The following MAF variants were observed in gnomAD, a reference collection of about 807,000 sequenced individuals.
The protein encoded by MAF is transcription factor Maf.
MAF carries 10 observed loss-of-function variants against 22.0 expected under a neutral mutation model. The ratio of observed to expected loss-of-function variants is 0.45; its 90% confidence interval spans 0.28 to 0.77. The LOEUF is 0.77. Ranked by LOEUF, MAF falls within the 30% of genes least tolerant of loss-of-function variation. The pLI, the probability that MAF is intolerant of heterozygous loss-of-function variation, is 0.12. For missense variants in MAF, 544 were observed against 548.4 expected (o/e 0.99, Z 0.08); for synonymous variants, 337 against 255.8 (o/e 1.32, Z -3.03).
chr16:79,385,659 G>A, the MAF span, among the ~76,000 whole-genome samples: 3 of 152,190 alleles, frequency 2.0e-5, no homozygotes, highest in African/African-American at 7.2e-5. Flanking sequence ...CCAGCACTTT[G>A]GGAGGCTGCG....
chr16:79,264,274 T>C, the MAF span, among the ~76,000 whole-genome samples: 4 of 152,190 alleles, frequency 2.6e-5, no homozygotes, highest in Non-Finnish European at 5.9e-5. Context: ...TGGACAGTTG[T>C]AAGGGAACTA....
the MAF span, among the ~76,000 whole-genome samples, chr16:79,524,277 T>C: frequency 6.6e-6 from 1 of 152,214 alleles, no homozygotes. Flanking sequence ...CCGGGGGCTA[T>C]GCAATACCTT....
At chr16:79,447,541 G>A in the MAF span, among the ~76,000 whole-genome samples, 1 of 152,088 alleles carries the variant, frequency 6.6e-6, no homozygotes, top group Non-Finnish European at 1.5e-5. Context: ...TAAGGCAATA[G>A]CTGCTATAAG....
the MAF span, among the ~76,000 whole-genome samples, chr16:79,380,646 A>G: frequency 3.9e-5 from 6 of 152,178 alleles, no homozygotes; most frequent in African/African-American, 1.4e-4. Context: ...TAAATACTCA[A>G]TAAACCCTCT....
the MAF span, among the ~76,000 whole-genome samples, chr16:79,208,593 A>T: frequency 6.6e-6 from 1 of 151,996 alleles, no homozygotes; most frequent in Non-Finnish European, 1.5e-5. Flanking sequence ...AGGTGGTATG[A>T]ATGAAAGTCA....
the MAF span, among the ~76,000 whole-genome samples, chr16:79,544,979 T>C: frequency 6.6e-6 from 1 of 152,088 alleles, no homozygotes; most frequent in Non-Finnish European, 1.5e-5. Context: ...GGGCTTGAGG[T>C]GGTTCTCTAT....
At chr16:79,561,315 CTT>C in the MAF span, among the ~76,000 whole-genome samples, 22 of 144,740 alleles carry the variant, frequency 1.5e-4, no homozygotes, top group Non-Finnish European at 2.3e-4. Context: ...AGTTTTCTTT[CTT>C]TTTTTTTTTT....
chr16:79,209,009 G>A, the MAF span, among the ~76,000 whole-genome samples: 2 of 152,184 alleles, frequency 1.3e-5, no homozygotes, highest in Admixed American at 6.5e-5. Flanking sequence ...GAGTAGAGAA[G>A]GTCGTCTTTG....
the MAF span, among the ~76,000 whole-genome samples, chr16:79,280,985 G>C: frequency 2.0e-5 from 3 of 152,144 alleles, no homozygotes; most frequent in African/African-American, 7.2e-5. Flanking sequence ...TCCCAGATCA[G>C]AATGGGAGGG....
At chr16:79,372,238 G>A in the MAF span, among the ~76,000 whole-genome samples, 1 of 152,200 alleles carries the variant, frequency 6.6e-6, no homozygotes, top group South Asian at 2.1e-4. Flanking sequence ...ACTATTCCTT[G>A]AGCAGAGGGT....
At chr16:79,380,066 C>T in the MAF span, among the ~76,000 whole-genome samples, 2 of 152,200 alleles carry the variant, frequency 1.3e-5, no homozygotes, top group African/African-American at 4.8e-5. Context: ...TGGCATGGAA[C>T]CCCTCAGTGT....
the MAF span, among the ~76,000 whole-genome samples, chr16:79,232,668 A>G: frequency 6.6e-6 from 1 of 152,012 alleles, no homozygotes; most frequent in Non-Finnish European, 1.5e-5. Flanking sequence ...AAAATAGTCA[A>G]TTCGCATCTG....
the MAF span, among the ~76,000 whole-genome samples, chr16:79,321,228 C>A: frequency 2.0e-5 from 3 of 152,076 alleles, no homozygotes; most frequent in South Asian, 2.1e-4. Flanking sequence ...TGGGAGGTGT[C>A]GGAGTGGATG....
the MAF span, among the ~76,000 whole-genome samples, chr16:79,278,415 A>C: frequency 6.6e-6 from 1 of 152,324 alleles, no homozygotes; most frequent in East Asian, 1.9e-4. Context: ...CAGAGAGGAA[A>C]AAGAAACAAA....
the MAF span, among the ~76,000 whole-genome samples, chr16:79,363,050 T>C: frequency 6.6e-6 from 1 of 152,180 alleles, no homozygotes; most frequent in Non-Finnish European, 1.5e-5. Context: ...CTTCTTTCTT[T>C]ATCACCTGAT....
the MAF span, among the ~76,000 whole-genome samples, chr16:79,464,807 G>C: frequency 6.6e-6 from 1 of 152,188 alleles, no homozygotes; most frequent in South Asian, 2.1e-4. Flanking sequence ...TTCCAGGACA[G>C]GTTACAGCAG....
chr16:79,236,811 A>G, the MAF span, among the ~76,000 whole-genome samples: 4 of 151,910 alleles, frequency 2.6e-5, no homozygotes, highest in African/African-American at 7.2e-5. Context: ...AGTGCACGCC[A>G]TCTCCGATGA....
chr16:79,345,499 G>A, the MAF span, among the ~76,000 whole-genome samples: 2 of 152,010 alleles, frequency 1.3e-5, no homozygotes, highest in East Asian at 3.9e-4. Flanking sequence ...AGGCTGAGGT[G>A]GGTGGATTAC....
At chr16:79,295,010 G>T in the MAF span, among the ~76,000 whole-genome samples, 1 of 150,162 alleles carries the variant, frequency 6.7e-6, no homozygotes, top group Non-Finnish European at 1.5e-5. Context: ...CCCTAGAGCA[G>T]GTTACAAGAA....
Sources: gnomAD v4.1 joint callset for allele counts (sites outside exome capture counted in the v4.1 genomes callset) on GRCh38, gnomAD v4.1.1 for gene constraint, MANE v1.5 for transcripts, NCBI Gene and HGNC (gene_info 2026-07-23, HGNC 2026-07-21) for gene names.